The following MAP2K6 variants were observed in gnomAD, a reference collection of about 807,000 sequenced individuals.
MAP2K6 encodes the protein mitogen-activated protein kinase kinase 6, also known as dual specificity mitogen-activated protein kinase kinase 6.
A neutral mutation model predicts 53.7 loss-of-function variants in MAP2K6; 16 were observed. The observed-to-expected ratio is 0.30, with a 90% confidence interval of 0.20 to 0.45. The LOEUF is 0.45. Ranked by LOEUF, MAP2K6 falls within the 20% of genes least tolerant of loss-of-function variation. The probability of loss-of-function intolerance (pLI) is 1.00; values close to 1 mark genes in which losing one functional copy is unlikely to be tolerated. For missense variants in MAP2K6, 204 were observed against 411.9 expected (o/e 0.50, Z 4.37); for synonymous variants, 132 against 143.1 (o/e 0.92, Z 0.55).
intron 1 of MAP2K6, among the ~76,000 whole-genome samples, chr17:69,451,828 G>C (rs564504615): frequency 6.6e-6 from 1 of 152,196 alleles, no homozygotes; most frequent in Non-Finnish European, 1.5e-5. Context: ...CCTGAGGGCA[G>C]TTCCTGGAGA....
At chr17:69,451,805 G>A (rs538344085) in intron 1 of MAP2K6, among the ~76,000 whole-genome samples, 9 of 152,278 alleles carry the variant, frequency 5.9e-5, no homozygotes, top group African/African-American at 1.9e-4. Context: ...CCATAGTGAA[G>A]TGGTTCTCTT....
chr17:69,414,793 C>T lies in MAP2K6; in HGVS notation c.-192C>T, dbSNP rs1905847157. On this transcript the variant is annotated 5_prime_UTR_variant, in exon 1 of 12. Transcript: ENST00000590474. The stretch of plus-strand genomic sequence containing the variant: ...TTGCAACTGGGGGAAAAATCACTTT[C>T]CAGTCTGTTTTGCAAGGTGTGCATT... The T allele has an allele frequency of 1.8e-6, 1 of 547,230 alleles. No individual in the cohort carries two copies. The highest frequency in any genetic ancestry group is 1.9e-5 in the African/African-American group (1 of 52,202). The allele number at this position is 547,230 out of a possible 1,614,324, so 33.9% of individuals were successfully genotyped here.
chr17:69,415,464 T>C (rs1905869074), intron 1 of MAP2K6, among the ~76,000 whole-genome samples: 1 of 152,192 alleles, frequency 6.6e-6, no homozygotes, highest in Non-Finnish European at 1.5e-5. Flanking sequence ...TTGGGGGAAA[T>C]AGACCGTTGC....
At chr17:69,437,074 G>A (rs817561) in intron 1 of MAP2K6, among the ~76,000 whole-genome samples, 65,573 of 151,806 alleles carry the variant, frequency 0.43, 15,033 homozygotes, top group Non-Finnish European at 0.52. Context: ...CGATCCTCCC[G>A]CCTTGGCCTC....
intron 1 of MAP2K6, chr17:69,501,802 T>C (rs1909186507): frequency 6.6e-6 from 1 of 152,002 alleles, no homozygotes. Flanking sequence ...TATGACATCA[T>C]AGAAAGCCTT....
intron 1 of MAP2K6, among the ~76,000 whole-genome samples, chr17:69,493,752 C>T (rs1908841137): frequency 6.9e-6 from 1 of 145,394 alleles, no homozygotes; most frequent in Non-Finnish European, 1.5e-5. Flanking sequence ...CAGAGTGAAA[C>T]TCCATCTCAA....
intron 1 of MAP2K6, among the ~76,000 whole-genome samples, chr17:69,489,004 T>A (rs1908647816): frequency 6.6e-6 from 1 of 152,078 alleles, no homozygotes. Flanking sequence ...GTGGATCACC[T>A]GAGGTCAGGA....
intron 1 of MAP2K6, among the ~76,000 whole-genome samples, chr17:69,473,241 G>A (rs1267913004): frequency 6.6e-6 from 1 of 152,168 alleles, no homozygotes; most frequent in Non-Finnish European, 1.5e-5. Flanking sequence ...GTACTTAACT[G>A]TATTTTGAGT....
intron 1 of MAP2K6, among the ~76,000 whole-genome samples, chr17:69,454,003 C>T (rs1313911557): frequency 6.6e-6 from 1 of 152,158 alleles, no homozygotes; most frequent in Admixed American, 6.5e-5. Flanking sequence ...GGAAATTTAC[C>T]CATGTAGGTA....
At chr17:69,486,843 A>G (rs971629616) in intron 1 of MAP2K6, among the ~76,000 whole-genome samples, 2 of 152,236 alleles carry the variant, frequency 1.3e-5, no homozygotes, top group African/African-American at 4.8e-5. Flanking sequence ...TTATCTGTAA[A>G]GCTGGTGTGG....
intron 1 of MAP2K6, among the ~76,000 whole-genome samples, chr17:69,425,106 C>T (rs1031411514): frequency 2.6e-5 from 4 of 152,104 alleles, no homozygotes; most frequent in Non-Finnish European, 5.9e-5. Context: ...GGGGATTTTG[C>T]AGCCCCTTTT....
At chr17:69,432,399 A>G (rs572265383) in intron 1 of MAP2K6, among the ~76,000 whole-genome samples, 1 of 152,320 alleles carries the variant, frequency 6.6e-6, no homozygotes, top group South Asian at 2.1e-4. Flanking sequence ...CTTGGAACCA[A>G]CCCAAATGCC....
chr17:69,416,581 T>A (rs1905908579), intron 1 of MAP2K6, among the ~76,000 whole-genome samples: 1 of 152,202 alleles, frequency 6.6e-6, no homozygotes, highest in African/African-American at 2.4e-5. Flanking sequence ...TGTATATACA[T>A]ATGTATGTGT....
chr17:69,525,992 C>G (rs1910749355), intron 9 of MAP2K6, among the ~76,000 whole-genome samples: 1 of 152,122 alleles, frequency 6.6e-6, no homozygotes. Context: ...CTGGAATTAT[C>G]CACTGTGGTC....
At chr17:69,539,643 A>T (rs1440628314) in intron 11 of MAP2K6, among the ~76,000 whole-genome samples, 1 of 152,170 alleles carries the variant, frequency 6.6e-6, no homozygotes, top group Non-Finnish European at 1.5e-5. Flanking sequence ...AAGTCAGGTT[A>T]TTTAATTCAT....
intron 7 of MAP2K6, among the ~76,000 whole-genome samples, chr17:69,523,117 A>C (rs147055899): frequency 6.6e-6 from 1 of 152,162 alleles, no homozygotes; most frequent in African/African-American, 2.4e-5. Context: ...TTGGTGTATC[A>C]TTGTGTCACA....
At chr17:69,417,468 T>G (rs1032052112) in intron 1 of MAP2K6, among the ~76,000 whole-genome samples, 2 of 152,210 alleles carry the variant, frequency 1.3e-5, no homozygotes, top group African/African-American at 4.8e-5. Flanking sequence ...AGGACTGGGT[T>G]ACTGCTCTAC....
intron 1 of MAP2K6, among the ~76,000 whole-genome samples, chr17:69,416,289 C>T (rs1402901909): frequency 6.6e-6 from 1 of 151,954 alleles, no homozygotes; most frequent in Non-Finnish European, 1.5e-5. Context: ...TAATCTCAAG[C>T]ATTCAAAGTA....
chr17:69,448,954 C>A (rs947259025), intron 1 of MAP2K6, among the ~76,000 whole-genome samples: 1 of 152,226 alleles, frequency 6.6e-6, no homozygotes, highest in Admixed American at 6.5e-5. Context: ...GGTGATCAGC[C>A]ATGTGTGGCG....
Sources: allele counts gnomAD v4.1 joint callset (sites outside exome capture counted in the v4.1 genomes callset), GRCh38; gene constraint gnomAD v4.1.1; transcripts MANE v1.5; gene names NCBI Gene and HGNC (gene_info 2026-07-23, HGNC 2026-07-21).